The following BICC1 variants were observed in gnomAD, a reference collection of about 807,000 sequenced individuals.
BICC1 encodes BicC family RNA binding protein 1, also known as protein bicaudal C homolog 1.
In BICC1, 43 loss-of-function variants were observed where a neutral mutation model predicts 111.0. That is an observed-to-expected ratio of 0.39 (90% CI 0.30 to 0.50). BICC1 has a LOEUF of 0.50. Ranked by LOEUF, BICC1 falls within the 20% of genes least tolerant of loss-of-function variation. The pLI is 0.88. For synonymous variants in BICC1, 467 were observed against 434.4 expected, an observed-to-expected ratio of 1.07 and a Z score of -0.93; for missense variants, 1,091 against 1,203.2, an observed-to-expected ratio of 0.91 and a Z score of 1.38.
chr10:58,753,204 C>A (rs575461370), intron 3 of BICC1, among the ~76,000 whole-genome samples: 1 of 152,102 alleles, frequency 6.6e-6, no homozygotes, highest in East Asian at 1.9e-4. Flanking sequence ...CCTTTGTCAC[C>A]CAGGCTGGAG....
rs181462831 is a variant in BICC1, at chr10:58,759,634, T to C, written c.308-25367T>C. Among the ~76,000 whole-genome samples the C allele has an allele frequency of 4.0e-4, 61 of 152,292 alleles. No homozygotes were observed. In the East Asian group the frequency reaches 0.01, roughly 26 times the overall value. Reference sequence around the variant, plus strand: ...TGTAAAAGAAACTGAACATTGACTTTCTGTTTTGTAAAACCTAAAAATATA... The same window carrying C: ...TGTAAAAGAAACTGAACATTGACTTCCTGTTTTGTAAAACCTAAAAATATA... On this transcript the variant is annotated intron_variant, in intron 3 of 20. Coordinates refer to ENST00000373886, the MANE Select transcript of BICC1 (RefSeq NM_001080512.3).
rs190794485 is a variant in BICC1, at chr10:58,718,472, C to T, written c.307+16329C>T. Among the ~76,000 whole-genome samples, 181 of 152,180 alleles carry T rather than the reference C, an allele frequency of 1.2e-3. 1 individual carries two copies. Among genetic ancestry groups the T allele is most frequent in the African/African-American group, 4.0e-3 (168 of 41,522 alleles). On this transcript the variant is annotated intron_variant, in intron 3 of 20. Transcript: ENST00000373886. ...AAACATTCAGACTGTAGCACTTGTT[C>T]ATCTTTTTTTTCCTGGTAAAATTAG...
chr10:58,736,390 T>TA, intron 3 of BICC1, among the ~76,000 whole-genome samples: 2 of 151,318 alleles, frequency 1.3e-5, no homozygotes, highest in South Asian at 4.2e-4. Flanking sequence ...AAAAACAACA[T>TA]ATGTAGAATT....
chr10:58,752,126 CAA>C (rs1842006894), intron 3 of BICC1, among the ~76,000 whole-genome samples: 1 of 152,014 alleles, frequency 6.6e-6, no homozygotes, highest in African/African-American at 2.4e-5. Context: ...GTGGAAAAAA[CAA>C]AGAGCAAACC....
intron 6 of BICC1, 23 bp from the exon 7 acceptor site, chr10:58,789,239 G>A (rs1413927020): frequency 1.9e-6 from 3 of 1,597,550 alleles, no homozygotes; most frequent in Non-Finnish European, 8.6e-7. Flanking sequence ...TCTCTGCTTT[G>A]GATTCTCATC....
At chr10:58,805,959 A>G (rs930782012) in intron 15 of BICC1, among the ~76,000 whole-genome samples, 1 of 152,254 alleles carries the variant, frequency 6.6e-6, no homozygotes, top group Non-Finnish European at 1.5e-5. Flanking sequence ...GAATGAATCA[A>G]TGGTGCTATC....
chr10:58,795,942 T>A (rs1843338391), intron 9 of BICC1, among the ~76,000 whole-genome samples: 1 of 152,130 alleles, frequency 6.6e-6, no homozygotes, highest in Non-Finnish European at 1.5e-5. Context: ...AGTGTAAAGA[T>A]GAGGGGCTGT....
intron 3 of BICC1, among the ~76,000 whole-genome samples, chr10:58,730,717 C>T (rs1841262704): frequency 6.6e-6 from 1 of 152,060 alleles, no homozygotes; most frequent in Non-Finnish European, 1.5e-5. Context: ...AGTGTAGAAA[C>T]CACCAATGCT....
chr10:58,731,520 A>G (rs1192612257), intron 3 of BICC1, among the ~76,000 whole-genome samples: 1 of 152,198 alleles, frequency 6.6e-6, no homozygotes, highest in East Asian at 1.9e-4. Context: ...CTGTTCTTGC[A>G]CTGTTATAAT....
At chr10:58,687,453 GC>G (rs1839771359) in intron 2 of BICC1, among the ~76,000 whole-genome samples, 1 of 152,214 alleles carries the variant, frequency 6.6e-6, no homozygotes, top group African/African-American at 2.4e-5. Context: ...GTTCAGCTAT[GC>G]CCTGCCCCCA....
At chr10:58,601,732 T>C (rs1845046451) in intron 1 of BICC1, among the ~76,000 whole-genome samples, 1 of 152,090 alleles carries the variant, frequency 6.6e-6, no homozygotes, top group Admixed American at 6.6e-5. Context: ...CTTATGATAT[T>C]ACTGAATCTC....
At chr10:58,623,482 A>G (rs1013965275) in intron 2 of BICC1, among the ~76,000 whole-genome samples, 1 of 152,198 alleles carries the variant, frequency 6.6e-6, no homozygotes, top group Admixed American at 6.5e-5. Context: ...TCCCAAACAC[A>G]ATAAAGGATA....
intron 5 of BICC1, among the ~76,000 whole-genome samples, chr10:58,787,856 C>G (rs988663382): frequency 3.7e-4 from 56 of 152,264 alleles, no homozygotes; most frequent in Admixed American, 3.7e-3. Flanking sequence ...CTGTACCCCC[C>G]ACCACAATGC....
At chr10:58,740,850 C>T (rs761171310) in intron 3 of BICC1, among the ~76,000 whole-genome samples, 4 of 152,152 alleles carry the variant, frequency 2.6e-5, no homozygotes, top group South Asian at 2.1e-4. Flanking sequence ...CGACCAAAGG[C>T]GTGACACGTG....
rs373904502 is a variant in BICC1, at chr10:58,789,249, C to A, written c.601-13C>A. ...TTAACTCTCTGCTTTGGATTCTCAT[C>A]ATTTCATTTTAGGAGCTGCTTCCTT... On this transcript the variant is annotated splice_polypyrimidine_tract_variant and intron_variant, in intron 6 of 20. Coordinates refer to ENST00000373886, the MANE Select transcript of BICC1 (RefSeq NM_001080512.3). The A allele has an allele frequency of 1.9e-6, 3 of 1,607,980 alleles. No homozygotes were observed. The highest frequency in any genetic ancestry group is 1.7e-6 in the Non-Finnish European group (2 of 1,176,294).
intron 3 of BICC1, among the ~76,000 whole-genome samples, chr10:58,738,229 A>G (rs949876864): frequency 6.6e-6 from 1 of 152,178 alleles, no homozygotes; most frequent in African/African-American, 2.4e-5. Flanking sequence ...TAGGTCTAAC[A>G]ATTAAGTCTT....
intron 3 of BICC1, among the ~76,000 whole-genome samples, chr10:58,753,117 A>G (rs1842037624): frequency 6.6e-6 from 1 of 152,136 alleles, no homozygotes; most frequent in South Asian, 2.1e-4. Flanking sequence ...CTAGTGTCTC[A>G]AAGTCAACTT....
intron 2 of BICC1, among the ~76,000 whole-genome samples, chr10:58,668,016 T>C (rs1839069921): frequency 6.6e-6 from 1 of 152,080 alleles, no homozygotes; most frequent in Non-Finnish European, 1.5e-5. Flanking sequence ...TTACTGTAAA[T>C]TTTTTAAAAA....
At chr10:58,687,591 C>T (rs941031439) in intron 2 of BICC1, among the ~76,000 whole-genome samples, 3 of 152,142 alleles carry the variant, frequency 2.0e-5, no homozygotes, top group Admixed American at 6.5e-5. Flanking sequence ...TCCCCAGCCT[C>T]GCTGCCACCT....
Sources: allele counts gnomAD v4.1 joint callset (sites outside exome capture counted in the v4.1 genomes callset), GRCh38; gene constraint gnomAD v4.1.1; transcripts MANE v1.5; gene names NCBI Gene and HGNC (gene_info 2026-07-23, HGNC 2026-07-21).